Variants in QSOX1 observed in about 807,000 individuals in gnomAD.
QSOX1 encodes quiescin sulfhydryl oxidase 1.
QSOX1 carries 40 observed loss-of-function variants against 76.1 expected under a neutral mutation model. The observed-to-expected ratio is 0.53, with a 90% CI of 0.41 to 0.68. The LOEUF (loss-of-function observed/expected upper bound fraction) is 0.68, where lower values mean the gene tolerates loss of function less well. Among genes scored for constraint, QSOX1 ranks in the 30% least tolerant of loss-of-function variants. The pLI is 0.00. For synonymous variants in QSOX1, 392 were observed against 413.1 expected, an observed-to-expected ratio of 0.95 and a Z score of 0.62; for missense variants, 931 against 974.3, an observed-to-expected ratio of 0.96 and a Z score of 0.59.
chr1:180,189,187 C>G (rs892227906), intron 8 of QSOX1, among the ~76,000 whole-genome samples: 37 of 152,292 alleles, frequency 2.4e-4, no homozygotes, highest in Middle Eastern at 3.4e-3. Flanking sequence ...CCCAGCAGCC[C>G]TGGCAAGGGG....
intron 2 of QSOX1, among the ~76,000 whole-genome samples, chr1:180,172,479 A>G (rs1457282320): frequency 6.6e-6 from 1 of 152,142 alleles, no homozygotes; most frequent in Non-Finnish European, 1.5e-5. Flanking sequence ...TCAGACTCCA[A>G]GCTGCTTGTG....
In QSOX1 at chr1:180,199,616, C is replaced by T. The variant is rs564623624; in HGVS notation, c.*2579C>T. 2 of 152,216 alleles carry T rather than the reference C, an allele frequency of 1.3e-5. No individual in the cohort carries two copies. Among genetic ancestry groups the T allele is most frequent in the Non-Finnish European group, 2.9e-5 (2 of 68,036 alleles). The allele number at this position is 152,216 out of a possible 1,614,324, so 9.4% of individuals were successfully genotyped here. Reference sequence around the variant, plus strand: ...TTAAAAATATTACTAAGGATTTTCACAATGCTGCACTGGGCTAGAAACTGA... The same window carrying T: ...TTAAAAATATTACTAAGGATTTTCATAATGCTGCACTGGGCTAGAAACTGA... On this transcript the variant is annotated 3_prime_UTR_variant, in exon 12 of 12. Transcript: ENST00000367602.
Position 180,197,467 on chromosome 1 carries a change from C to T in QSOX1, c.*430C>T. 2 of 1,417,076 alleles carry T rather than the reference C, an allele frequency of 1.4e-6. No individual in the cohort carries two copies. Among genetic ancestry groups the T allele is most frequent in the Non-Finnish European group, 2.0e-6 (2 of 1,016,480 alleles). The allele number at this position is 1,417,076 out of a possible 1,614,324, so 87.8% of individuals were successfully genotyped here. A position where few individuals can be genotyped will look rare whatever the true frequency, so the allele number is the denominator to read the frequency against. ...CTGGAATGGAACTCCTCACTAGCTG[C>T]TGGGGCTCCGCCCACCCTGCTCCCT... On this transcript the variant is annotated 3_prime_UTR_variant, in exon 12 of 12. Coordinates refer to ENST00000367602, the MANE Select transcript of QSOX1 (RefSeq NM_002826.5).
intron 10 of QSOX1, among the ~76,000 whole-genome samples, 177 bp from the exon 11 acceptor site, chr1:180,194,036 G>A (rs1428745660): frequency 1.3e-5 from 2 of 152,104 alleles, no homozygotes; most frequent in Non-Finnish European, 2.9e-5. Context: ...AGTGACCATG[G>A]CAGGTAGAGA....
chr1:180,197,094 CT>C lies in QSOX1; in HGVS notation c.*58del, dbSNP rs1161150151. The C allele has an allele frequency of 3.6e-5, 55 of 1,533,058 alleles. No individual in the cohort carries two copies. The highest frequency in any genetic ancestry group is 3.5e-6 in the Non-Finnish European group (4 of 1,140,054). The allele number at this position is 1,533,058 out of a possible 1,614,324, so 95.0% of individuals were successfully genotyped here. A position where few individuals can be genotyped will look rare whatever the true frequency, so the allele number is the denominator to read the frequency against. On this transcript the variant is annotated 3_prime_UTR_variant, in exon 12 of 12. Transcript: ENST00000367602. ...GCCATCTCTAGGCACCTCAAGCCCC[CT>C]GACCCCATTCCCTCCCCTCCCACCC...
intron 1 of QSOX1, among the ~76,000 whole-genome samples, chr1:180,163,652 A>G (rs943289087): frequency 2.0e-5 from 3 of 152,230 alleles, no homozygotes; most frequent in African/African-American, 4.8e-5. Context: ...TAGAAATGAT[A>G]TTTTATGAAT....
intron 2 of QSOX1, among the ~76,000 whole-genome samples, chr1:180,174,140 G>C (rs901873293): frequency 2.6e-5 from 4 of 152,282 alleles, no homozygotes; most frequent in Non-Finnish European, 5.9e-5. Flanking sequence ...ACAGGAAGAA[G>C]CCTCTTCCCA....
At chr1:180,186,304 G>T in intron 8 of QSOX1, 122 bp downstream of exon 8, 1 of 1,327,180 alleles carries the variant, frequency 7.5e-7, no homozygotes. Context: ...CTGGACACCT[G>T]GACCCACAGC....
intron 1 of QSOX1, 98 bp downstream of exon 1, chr1:180,155,270 C>G: frequency 8.9e-7 from 1 of 1,119,682 alleles, no homozygotes; most frequent in Non-Finnish European, 1.2e-6. Flanking sequence ...CGTCCCTCTT[C>G]CAGTCACCTC....
chr1:180,197,414 C>T lies in QSOX1; in HGVS notation c.*377C>T. Reference sequence around the variant, plus strand: ...TGGCCCTCAACTGGGGCAAGTGAAGCCAGAGGAGGGTCCCCCAGCTGGGTG... The same window carrying T: ...TGGCCCTCAACTGGGGCAAGTGAAGTCAGAGGAGGGTCCCCCAGCTGGGTG... On this transcript the variant is annotated 3_prime_UTR_variant, in exon 12 of 12. Coordinates refer to ENST00000367602, the MANE Select transcript of QSOX1 (RefSeq NM_002826.5). The T allele has an allele frequency of 6.2e-7, 1 of 1,605,996 alleles. No homozygotes were observed.
chr1:180,174,319 C>T (rs1433962950), intron 2 of QSOX1, among the ~76,000 whole-genome samples: 3 of 152,206 alleles, frequency 2.0e-5, no homozygotes, highest in Non-Finnish European at 4.4e-5. Context: ...TCCTCTTGCC[C>T]CAAGGAGGTG....
intron 3 of QSOX1, among the ~76,000 whole-genome samples, chr1:180,175,720 C>T (rs55753333): frequency 6.6e-6 from 1 of 152,156 alleles, no homozygotes; most frequent in African/African-American, 2.4e-5. Flanking sequence ...TCTTTCCTGT[C>T]TGAGGGATGG....
intron 1 of QSOX1, among the ~76,000 whole-genome samples, chr1:180,164,995 GTTA>G (rs1191226514): frequency 6.6e-6 from 1 of 152,118 alleles, no homozygotes; most frequent in Non-Finnish European, 1.5e-5. Flanking sequence ...GAACTCACTC[GTTA>G]TCAAGGGGGC....
chr1:180,186,064 A>G lies in QSOX1; in HGVS notation c.899A>G (p.Tyr300Cys), dbSNP rs746492167. Residue 300 changes from tyrosine (Y) to cysteine (C), a missense_variant, in exon 8 of 12, where the codon TAC (tyrosine) becomes TGC (cysteine). Coordinates refer to ENST00000367602, the MANE Select transcript of QSOX1 (RefSeq NM_002826.5). ...CTCTGGGTCCTCAGCTCCAAGATCTACATGGCTGACCTGGAATCTGCACTG... is the reference window on the plus strand; with the variant it reads ...CTCTGGGTCCTCAGCTCCAAGATCTGCATGGCTGACCTGGAATCTGCACTG... ...VWKLADRSKI[Y>C]MADLESALHY... is the part of the protein sequence containing the mutation. 1 of 1,614,086 alleles carries G rather than the reference A, an allele frequency of 6.2e-7. No homozygotes were observed. Among genetic ancestry groups the G allele is most frequent in the Non-Finnish European group, 8.5e-7 (1 of 1,179,918 alleles).
At chr1:180,186,687 G>A (rs1317347026) in intron 8 of QSOX1, among the ~76,000 whole-genome samples, 1 of 152,250 alleles carries the variant, frequency 6.6e-6, no homozygotes, top group African/African-American at 2.4e-5. Context: ...ACTCCACGAA[G>A]GGTAGCTCCT....
chr1:180,196,394 A>G lies in QSOX1; in HGVS notation c.1601A>G (p.His534Arg). The G allele has an allele frequency of 6.2e-7, 1 of 1,614,092 alleles. No individual in the cohort carries two copies. The highest frequency in any genetic ancestry group is 8.5e-7 in the Non-Finnish European group (1 of 1,180,012). Residue 534 changes from histidine to arginine, a missense_variant, in exon 12 of 12, where the codon CAC becomes CGC. Transcript: ENST00000367602. The surrounding 1 kb of genome is among the most constrained non-coding windows in gnomAD (Gnocchi z 4.1). ...VEATLNFLKA[H>R]FSPSNIILDF... is the part of the protein sequence containing the mutation. ...GCCACCCTCAACTTCCTCAAGGCCC[A>G]CTTCTCCCCAAGCAACATCATCCTG...
Position 180,203,081 on chromosome 1 carries a change from A to G in QSOX1, c.*6044A>G, listed in dbSNP as rs1663665532. 6.6e-6 allele frequency: 1 copy of G among 152,112 alleles called. No homozygotes were observed. The highest frequency in any genetic ancestry group is 2.4e-5 in the African/African-American group (1 of 41,384). The allele number at this position is 152,112 out of a possible 1,614,324, so 9.4% of individuals were successfully genotyped here. A position where few individuals can be genotyped will look rare whatever the true frequency, so the allele number is the denominator to read the frequency against. ...GCGAGACTCTGTCTCAAAAAAATAAAAAAATAAAAATAAAAAAATAAAGTA... is the reference window on the plus strand; with the variant it reads ...GCGAGACTCTGTCTCAAAAAAATAAGAAAATAAAAATAAAAAAATAAAGTA... On this transcript the variant is annotated 3_prime_UTR_variant, in exon 12 of 12. Transcript: ENST00000367602.
At position 180,198,464 on chromosome 1, in the gene QSOX1, A is replaced by G. The variant is rs1477405393; in HGVS notation, c.*1427A>G. The G allele has an allele frequency of 4.5e-6, 2 of 446,160 alleles. No homozygotes were observed. Among genetic ancestry groups the G allele is most frequent in the Admixed American group, 4.7e-5 (2 of 42,238 alleles). The allele number at this position is 446,160 out of a possible 1,614,324, so 27.6% of individuals were successfully genotyped here. A position where few individuals can be genotyped will look rare whatever the true frequency, so the allele number is the denominator to read the frequency against. Reference sequence around the variant, plus strand: ...TTTTACAAGGATCAGAGCTGCTGATAATGAACCTCATTAAGGGGGAGCAGG... The same window carrying G: ...TTTTACAAGGATCAGAGCTGCTGATGATGAACCTCATTAAGGGGGAGCAGG... On this transcript the variant is annotated 3_prime_UTR_variant, in exon 12 of 12. Coordinates refer to ENST00000367602, the MANE Select transcript of QSOX1 (RefSeq NM_002826.5).
chr1:180,166,311 A>G (rs1237626684), intron 1 of QSOX1, among the ~76,000 whole-genome samples, 180 bp from the exon 2 acceptor site: 1 of 152,242 alleles, frequency 6.6e-6, no homozygotes, highest in African/African-American at 2.4e-5. Flanking sequence ...GACGCTAGAA[A>G]TGCAGACCAA....
Sources: gnomAD v4.1 joint callset for allele counts (sites outside exome capture counted in the v4.1 genomes callset) on GRCh38, gnomAD v4.1.1 for gene constraint, Gnocchi (gnomAD v3.1) non-coding constraint, MANE v1.5 for transcripts, NCBI Gene and HGNC (gene_info 2026-07-23, HGNC 2026-07-21) for gene names.